Variants in RP1L1 observed in about 807,000 individuals in gnomAD.
RP1L1 encodes the protein RP1 like 1.
Under a neutral mutation model 15.7 loss-of-function variants are expected in RP1L1, and 27 were observed. The observed-to-expected ratio is 1.72, with a 90% CI of 1.27 to 2.38. The LOEUF is 2.38. Ranked by LOEUF, RP1L1 falls within the 30% of genes most tolerant of loss-of-function variation. RP1L1 has a pLI of 0.00. For synonymous variants in RP1L1, 1,813 were observed against 1,276.7 expected, an observed-to-expected ratio of 1.42 and a Z score of -8.96; for missense variants, 4,798 against 3,075.9, an observed-to-expected ratio of 1.56 and a Z score of -13.24.
chr8:10,639,732 T>C (rs536395897), intron 1 of RP1L1, among the ~76,000 whole-genome samples: 1 of 152,292 alleles, frequency 6.6e-6, no homozygotes, highest in South Asian at 2.1e-4. Context: ...GCCTTTCTGT[T>C]TCATGACCTC....
intron 1 of RP1L1, among the ~76,000 whole-genome samples, chr8:10,647,114 G>C (rs1027398046): frequency 1.3e-5 from 2 of 152,218 alleles, no homozygotes; most frequent in Non-Finnish European, 2.9e-5. Context: ...AGAACTCCCT[G>C]TAAAAGTGGC....
chr8:10,627,436 T>C (rs1257871255), intron 1 of RP1L1, among the ~76,000 whole-genome samples: 1 of 152,036 alleles, frequency 6.6e-6, no homozygotes, highest in Non-Finnish European at 1.5e-5. Flanking sequence ...AAGCAGTCAA[T>C]TTTATAGAGA....
chr8:10,653,639 GCACACCCACACACGCATACACA>G (rs1210288177), intron 1 of RP1L1, among the ~76,000 whole-genome samples: 1 of 144,052 alleles, frequency 6.9e-6, no homozygotes, highest in African/African-American at 2.5e-5. Flanking sequence ...ACACTCATGT[GCACACCCACACACGCATACACA>G]CACACACACA....
chr8:10,653,052 A>G (rs1192145188), intron 1 of RP1L1, among the ~76,000 whole-genome samples: 1 of 152,196 alleles, frequency 6.6e-6, no homozygotes, highest in Non-Finnish European at 1.5e-5. Flanking sequence ...GCTGGGTTGT[A>G]TCAGCCCAGC....
At position 10,613,192 on chromosome 8, in the gene RP1L1, C is replaced by A; in HGVS notation, c.906G>T (p.Pro302=). 1.2e-6 allele frequency: 2 copies of A among 1,613,636 alleles called. No homozygotes were observed. The highest frequency in any genetic ancestry group is 1.1e-5 in the South Asian group (1 of 91,086). The change falls in exon 4 of 4, where the codon CCG becomes CCT. Residue 302 remains proline (P), a synonymous_variant. Coordinates refer to ENST00000382483, the MANE Select transcript of RP1L1 (RefSeq NM_178857.6). ...TCTTCATGTCATCGCCAGCCACCAG[C>A]GGGCCCGACTGAGCTGGCGTGTCCT... ...HPQDTPAQSG[P]LVAGDDMKKK...
At chr8:10,631,177 T>C (rs1414598069) in intron 1 of RP1L1, among the ~76,000 whole-genome samples, 3 of 151,716 alleles carry the variant, frequency 2.0e-5, no homozygotes, top group Non-Finnish European at 2.9e-5. Context: ...GGCGAGAATG[T>C]TGTCATGGCA....
chr8:10,614,493 C>G (rs1170380063), intron 3 of RP1L1, among the ~76,000 whole-genome samples: 4 of 151,978 alleles, frequency 2.6e-5, no homozygotes, highest in Non-Finnish European at 5.9e-5. Context: ...AACCCCATCT[C>G]TACTAAAAGC....
chr8:10,609,399 G>T lies in RP1L1; in HGVS notation c.4699C>A (p.Arg1567Ser). Residue 1567 changes from arginine (R) to serine (S), a missense_variant, in exon 4 of 4, where the codon CGC becomes AGC. Transcript: ENST00000382483. ...AAELQQDVAQRLQDSTKRELQ... is the reference protein window; with the variant it reads ...AAELQQDVAQSLQDSTKRELQ... ...TCTCTCTTGGTGCTGTCCTGGAGGC[G>T]TTGGGCCACGTCCTGCTGCAGCTCG... 6.2e-7 allele frequency: 1 copy of T among 1,612,242 alleles called. No individual in the cohort carries two copies. Among genetic ancestry groups the T allele is most frequent in the Non-Finnish European group, 8.5e-7 (1 of 1,179,900 alleles).
chr8:10,651,397 G>A (rs1798558336), intron 1 of RP1L1, among the ~76,000 whole-genome samples: 1 of 152,170 alleles, frequency 6.6e-6, no homozygotes, highest in East Asian at 1.9e-4. Context: ...GCTCTTTCTA[G>A]TACAGCAAAT....
At chr8:10,618,085 G>C (rs978320095) in intron 2 of RP1L1, among the ~76,000 whole-genome samples, 4 of 152,198 alleles carry the variant, frequency 2.6e-5, no homozygotes, top group African/African-American at 9.6e-5. Context: ...AAAGCACAGA[G>C]CATGTTCTTT....
intron 1 of RP1L1, among the ~76,000 whole-genome samples, chr8:10,645,939 A>G (rs974014832): frequency 6.6e-6 from 1 of 152,094 alleles, no homozygotes; most frequent in Non-Finnish European, 1.5e-5. Flanking sequence ...TGGGCCCTAC[A>G]GAGAAAGCCT....
chr8:10,629,559 T>A (rs1798209408), intron 1 of RP1L1, among the ~76,000 whole-genome samples: 1 of 152,144 alleles, frequency 6.6e-6, no homozygotes, highest in African/African-American at 2.4e-5. Flanking sequence ...ACAGGTGTGG[T>A]CCCAAGGCAG....
Position 10,607,208 on chromosome 8 carries a change from C to A in RP1L1, c.6890G>T (p.Gly2297Val), listed in dbSNP as rs757664806. ...TPHQRPGSQT[G>V]PSSSRASSWG... ...AGAGGATGCTCTGGAGGAGGAAGGG[C>A]CTGTTTGGGAGCCTGGCCTTTGGTG... The change falls in exon 4 of 4, where the codon GGC becomes GTC. Residue 2297 changes from glycine (G) to valine (V), a missense_variant. Physicochemically the swap from Gly to Val is moderately radical, Grantham distance 109 (BLOSUM62 -3). Transcript: ENST00000382483. The A allele has an allele frequency of 6.2e-7, 1 of 1,614,016 alleles. No homozygotes were observed. Among genetic ancestry groups the A allele is most frequent in the African/African-American group, 1.3e-5 (1 of 74,920 alleles).
At chr8:10,637,903 T>A (rs1388569434) in intron 1 of RP1L1, among the ~76,000 whole-genome samples, 1 of 152,200 alleles carries the variant, frequency 6.6e-6, no homozygotes, top group Non-Finnish European at 1.5e-5. Context: ...GGACTCTGTA[T>A]CCTTCTGATA....
intron 1 of RP1L1, among the ~76,000 whole-genome samples, chr8:10,623,777 C>A (rs1487099596): frequency 6.6e-6 from 1 of 152,054 alleles, no homozygotes; most frequent in African/African-American, 2.4e-5. Context: ...TCACTATGTC[C>A]CCAGCACAGC....
At chr8:10,635,331 C>T (rs990781733) in intron 1 of RP1L1, among the ~76,000 whole-genome samples, 1 of 152,234 alleles carries the variant, frequency 6.6e-6, no homozygotes, top group African/African-American at 2.4e-5. Context: ...TCCAGAAATG[C>T]TCCCCCACCC....
rs183232880 is a variant in RP1L1, at chr8:10,607,286, G to A, written c.6812C>T (p.Pro2271Leu). 1 of 1,614,230 alleles carries A rather than the reference G, an allele frequency of 6.2e-7. No individual in the cohort carries two copies. The highest frequency in any genetic ancestry group is 1.1e-5 in the South Asian group (1 of 91,082). Residue 2271 changes from proline to leucine, a missense_variant, in exon 4 of 4, where the codon CCA (proline) becomes CTA (leucine). Pro to Leu is a moderately conservative substitution (Grantham distance 98). Coordinates refer to ENST00000382483, the MANE Select transcript of RP1L1 (RefSeq NM_178857.6). Reference protein sequence around the residue: ...QSEEASESSSPVPEDRPTPPP... With the variant: ...QSEEASESSSLVPEDRPTPPP... ...TGGAGTGGGCCTGTCCTCAGGGACT[G>A]GGCTGCTGCTTTCAGAAGCCTCCTC... is the stretch of plus-strand genomic sequence containing the variant.
intron 2 of RP1L1, 64 bp from the exon 3 acceptor site, chr8:10,616,651 G>T (rs907281908): frequency 1.3e-6 from 2 of 1,526,362 alleles, no homozygotes; most frequent in Non-Finnish European, 1.8e-6. Flanking sequence ...CCTGAGGCCT[G>T]GGGGAGGAAG....
intron 1 of RP1L1, among the ~76,000 whole-genome samples, chr8:10,631,377 A>ACGC: frequency 3.4e-4 from 2 of 5,930 alleles, no homozygotes; most frequent in Non-Finnish European, 1.2e-3. Context: ...ACATGCACAC[A>ACGC]AACACACATG....
Sources: allele counts gnomAD v4.1 joint callset (sites outside exome capture counted in the v4.1 genomes callset), GRCh38; gene constraint gnomAD v4.1.1; transcripts MANE v1.5; gene names NCBI Gene and HGNC (gene_info 2026-07-23, HGNC 2026-07-21).